The following NLRP5 variants were observed in gnomAD, a reference collection of about 807,000 sequenced individuals.
NLRP5 encodes NACHT, LRR and PYD domains-containing protein 5.
NLRP5 carries 93 observed loss-of-function variants against 113.1 expected under a neutral mutation model. The ratio of observed to expected loss-of-function variants is 0.82; its 90% confidence interval spans 0.70 to 0.98. The LOEUF is 0.98. Ranked by LOEUF, NLRP5 falls within the 50% of genes least tolerant of loss-of-function variation. NLRP5 has a pLI of 0.00. For missense variants in NLRP5, 1,808 were observed against 1,514.3 expected (o/e 1.19, Z -3.22); for synonymous variants, 751 against 600.7 (o/e 1.25, Z -3.66).
At chr19:56,019,424 G>A (rs1331879339) in intron 5 of NLRP5, 26 bp downstream of exon 5, 1 of 1,608,924 alleles carries the variant, frequency 6.2e-7, no homozygotes, top group Non-Finnish European at 8.5e-7. Flanking sequence ...GTATTCCTTG[G>A]TTGCCCTCCT....
the NLRP5 span, among the ~76,000 whole-genome samples, chr19:55,987,346 G>A: frequency 6.6e-6 from 1 of 152,228 alleles, no homozygotes; most frequent in Non-Finnish European, 1.5e-5. Flanking sequence ...CTCCAGCGTG[G>A]GTGACAGAGT....
the NLRP5 span, chr19:55,988,483 TAAATG>T: frequency 1.4e-5 from 2 of 139,614 alleles, no homozygotes; most frequent in African/African-American, 5.4e-5. Flanking sequence ...ATATAAAGTT[TAAATG>T]AAATGCTTTG....
chr19:56,036,705 C>A (rs1319297073), intron 9 of NLRP5, among the ~76,000 whole-genome samples: 2 of 152,126 alleles, frequency 1.3e-5, no homozygotes, highest in African/African-American at 4.8e-5. Flanking sequence ...GCCTGTCATC[C>A]CAGAACTCTG....
intron 7 of NLRP5, among the ~76,000 whole-genome samples, chr19:56,032,207 T>C (rs771230811): frequency 6.6e-6 from 1 of 152,142 alleles, no homozygotes; most frequent in Non-Finnish European, 1.5e-5. Context: ...TAGCTGTGCA[T>C]GATGGCATGC....
rs753893496 is a variant in NLRP5 at position 56,028,277 on chromosome 19, G to A, written c.2044G>A (p.Gly682Arg). ...TCAGCAGCCTAATGCCACCACCCCA[G>A]GAGACACCCTGGACGCCTTCCACTG... is the stretch of plus-strand genomic sequence containing the variant. The change falls in exon 7 of 15, where the codon GGA (glycine) becomes AGA (arginine). Residue 682 changes from glycine (G) to arginine (R), a missense_variant. Transcript: ENST00000390649. 3.7e-6 allele frequency: 6 copies of A among 1,613,968 alleles called. No homozygotes were observed. In the South Asian group the frequency reaches 6.6e-5, roughly 18 times the overall value.
At position 56,022,402 on chromosome 19, in the gene NLRP5, A is replaced by G. The variant is rs1431039658; in HGVS notation, c.679+1971A>G. 2.5e-5 allele frequency among the ~76,000 whole-genome samples: 3 copies of G among 121,022 alleles called. No homozygotes were observed. In the East Asian group the frequency reaches 6.6e-4, roughly 27 times the overall value. 79.4% of individuals were successfully genotyped at this position (121,022 alleles called of 152,430 possible). ...TCTGGCTAATTTTCATATTTGTTATAGAAAGGAGGGGGCAGGGGGTCTCGC... is the reference window on the plus strand; with the variant it reads ...TCTGGCTAATTTTCATATTTGTTATGGAAAGGAGGGGGCAGGGGGTCTCGC... On this transcript the variant is annotated intron_variant, in intron 6 of 14. Coordinates refer to ENST00000390649, the MANE Select transcript of NLRP5 (RefSeq NM_153447.4).
intron 13 of NLRP5, among the ~76,000 whole-genome samples, chr19:56,055,739 GT>G (rs1369226412): frequency 6.6e-6 from 1 of 151,094 alleles, no homozygotes; most frequent in Non-Finnish European, 1.5e-5. Flanking sequence ...TAGAGACGGG[GT>G]TTCACCGTGT....
rs1480956769 is a variant in NLRP5, at chr19:56,028,204, T to C, written c.1971T>C (p.Val657=). Residue 657 remains valine, a synonymous_variant, in exon 7 of 15, where the codon GTT becomes GTC. Transcript: ENST00000390649. ...TGGAGGTCCTGCTGGGCTGTCCCGTTCCCCTGGGGGTGAAGCAGAAGCTTC... is the reference window on the plus strand; with the variant it reads ...TGGAGGTCCTGCTGGGCTGTCCCGTCCCCCTGGGGGTGAAGCAGAAGCTTC... 1 of 1,613,904 alleles carries C rather than the reference T, an allele frequency of 6.2e-7. No homozygotes were observed. The highest frequency in any genetic ancestry group is 8.5e-7 in the Non-Finnish European group (1 of 1,179,892).
chr19:56,019,242 G>T, intron 4 of NLRP5, 100 bp from the exon 5 acceptor site: 4 of 1,355,224 alleles, frequency 3.0e-6, no homozygotes, highest in Non-Finnish European at 4.1e-6. Flanking sequence ...CAACTGGCCA[G>T]AAAATAAATA....
chr19:56,058,600 A>C (rs181502337), intron 14 of NLRP5, among the ~76,000 whole-genome samples, 190 bp downstream of exon 14: 25 of 152,326 alleles, frequency 1.6e-4, no homozygotes, highest in African/African-American at 6.0e-4. Context: ...TGGGAGATAG[A>C]GGCCAGGTGC....
In NLRP5 at chr19:56,030,711, C is replaced by CTTTTTTTTTTT. The variant is rs1251579019; in HGVS notation, c.2277-1898_2277-1897insTTTTTTTTTTT. Among the ~76,000 whole-genome samples, 51 of 47,766 alleles carry CTTTTTTTTTTT rather than the reference C, an allele frequency of 1.1e-3. 5 individuals carry two copies. Among genetic ancestry groups the CTTTTTTTTTTT allele is most frequent in the South Asian group, 1.5e-3 (2 of 1,354 alleles). The allele number at this position is 47,766 out of a possible 152,430, so 31.3% of individuals were successfully genotyped here. On this transcript the variant is annotated intron_variant, in intron 7 of 14. Coordinates refer to ENST00000390649, the MANE Select transcript of NLRP5 (RefSeq NM_153447.4). ...TATACTTACATTCATTCGCTTTCTT[C>CTTTTTTTTTTT]TTCTTTTTTTTTTTTTTTTTTGAGA...
chr19:56,000,407 C>A (rs542896755), intron 1 of NLRP5, among the ~76,000 whole-genome samples: 1 of 152,148 alleles, frequency 6.6e-6, no homozygotes, highest in African/African-American at 2.4e-5. Flanking sequence ...TTCTGTCACC[C>A]AGGCTGGAGT....
chr19:56,032,703 G>T lies in NLRP5; in HGVS notation c.2369G>T (p.Ser790Ile). ...CACCTGCGGCAGCTGGACCTGGGCAGCAGCATCCTGACAGAGCGGGCCATG... is the reference window on the plus strand; with the variant it reads ...CACCTGCGGCAGCTGGACCTGGGCATCAGCATCCTGACAGAGCGGGCCATG... Residue 790 changes from serine to isoleucine, a missense_variant, in exon 8 of 15, where the codon AGC (serine) becomes ATC (isoleucine). Physicochemically the swap from Ser to Ile is moderately radical, Grantham distance 142. Coordinates refer to ENST00000390649, the MANE Select transcript of NLRP5 (RefSeq NM_153447.4). The T allele has an allele frequency of 6.2e-7, 1 of 1,613,666 alleles. No homozygotes were observed. The highest frequency in any genetic ancestry group is 2.2e-5 in the East Asian group (1 of 44,868).
chr19:56,013,411 C>T (rs1420710374), intron 3 of NLRP5, among the ~76,000 whole-genome samples: 1 of 151,870 alleles, frequency 6.6e-6, no homozygotes, highest in Non-Finnish European at 1.5e-5. Context: ...CCAAAATTGT[C>T]TCGATATCCT....
At chr19:55,989,691 G>A in the NLRP5 span, among the ~76,000 whole-genome samples, 2 of 152,288 alleles carry the variant, frequency 1.3e-5, no homozygotes, top group South Asian at 4.1e-4. Flanking sequence ...GGCATTAAGA[G>A]CCTTACAGAT....
intron 13 of NLRP5, among the ~76,000 whole-genome samples, chr19:56,055,655 C>G (rs145479613): frequency 6.7e-6 from 1 of 149,370 alleles, no homozygotes; most frequent in Non-Finnish European, 1.5e-5. Flanking sequence ...ACCCCATTCT[C>G]CTGCCTCAGC....
chr19:56,048,978 A>ATT (rs1983826625), intron 11 of NLRP5, among the ~76,000 whole-genome samples: 14 of 23,622 alleles, frequency 5.9e-4, no homozygotes, highest in South Asian at 1.5e-3. Context: ...TTTTTTTTTT[A>ATT]ATTTTTTTTT....
In NLRP5 at chr19:56,028,154, G is replaced by C. The variant is rs548549332; in HGVS notation, c.1921G>C (p.Val641Leu). ...GATGAAGCGTTTCTTGTTTGGCCTCGTGAGCGAAGACGTAAGGAGGCCACT... is the reference window on the plus strand; with the variant it reads ...GATGAAGCGTTTCTTGTTTGGCCTCCTGAGCGAAGACGTAAGGAGGCCACT... The change falls in exon 7 of 15, where the codon GTG becomes CTG. Residue 641 changes from valine (V) to leucine (L), a missense_variant. Transcript: ENST00000390649. 4 of 1,613,978 alleles carry C rather than the reference G, an allele frequency of 2.5e-6. No individual in the cohort carries two copies. Among genetic ancestry groups the C allele is most frequent in the Non-Finnish European group, 3.4e-6 (4 of 1,179,892 alleles).
At position 56,027,335 on chromosome 19, in the gene NLRP5, G is replaced by A. The variant is rs1407612067; in HGVS notation, c.1102G>A (p.Gly368Ser). 1 of 1,612,896 alleles carries A rather than the reference G, an allele frequency of 6.2e-7. No individual in the cohort carries two copies. The highest frequency in any genetic ancestry group is 1.7e-5 in the Admixed American group (1 of 59,980). The change falls in exon 7 of 15, where the codon GGC becomes AGC. Residue 368 changes from glycine to serine, a missense_variant. Physicochemically the swap from Gly to Ser is moderately conservative, Grantham distance 56 (BLOSUM62 0). Coordinates refer to ENST00000390649, the MANE Select transcript of NLRP5 (RefSeq NM_153447.4). ...CATCATTGACGGTTTCGATGACCTG[G>A]GCTCTGTCCTCAACAATGACACAAA...
Sources: gnomAD v4.1 joint callset for allele counts (sites outside exome capture counted in the v4.1 genomes callset) on GRCh38, gnomAD v4.1.1 for gene constraint, MANE v1.5 for transcripts, NCBI Gene and HGNC (gene_info 2026-07-23, HGNC 2026-07-21) for gene names.